Variants in C11orf24 observed in about 807,000 individuals in gnomAD.
C11orf24 encodes the protein uncharacterized protein C11orf24.
Under a neutral mutation model 7.3 loss-of-function variants are expected in C11orf24, and 5 were observed. The ratio of observed to expected loss-of-function variants is 0.69; its 90% confidence interval spans 0.36 to 1.45. The LOEUF (loss-of-function observed/expected upper bound fraction) is 1.45, where lower values mean the gene tolerates loss of function less well. Among genes scored for constraint, C11orf24 ranks in the 40% most tolerant of loss-of-function variants. The probability of loss-of-function intolerance (pLI) is 0.03; values close to 1 mark genes in which losing one functional copy is unlikely to be tolerated. For synonymous variants in C11orf24, 233 were observed against 235.7 expected (o/e 0.99, Z 0.11); for missense variants, 566 against 590.5 (o/e 0.96, Z 0.43).
At chr11:68,271,819 T>TTGG (rs2098568180) in intron 1 of C11orf24, 38 bp downstream of exon 1, 1 of 152,076 alleles carries the variant, frequency 6.6e-6, no homozygotes, top group South Asian at 2.1e-4. Context: ...CAGGGAGCCC[T>TTGG]GACAGCAGCT....
intron 3 of C11orf24, chr11:68,263,259 T>C (rs1312381937): frequency 1.4e-5 from 6 of 418,106 alleles, no homozygotes; most frequent in African/African-American, 1.2e-4. Flanking sequence ...AAAAGCCCAC[T>C]GAACGCACAC....
intron 1 of C11orf24, among the ~76,000 whole-genome samples, chr11:68,270,997 G>A (rs548801523): frequency 6.6e-6 from 1 of 152,272 alleles, no homozygotes; most frequent in South Asian, 2.1e-4. Flanking sequence ...TTGCTTCCAG[G>A]TTTCTGGAAG....
rs2098566174 is a variant in C11orf24, at chr11:68,268,190, A to T, written c.-236T>A. 1 of 152,328 alleles carries T rather than the reference A, an allele frequency of 6.6e-6. No homozygotes were observed. Among genetic ancestry groups the T allele is most frequent in the Admixed American group, 6.5e-5 (1 of 15,290 alleles). 9.4% of individuals were successfully genotyped at this position (152,328 alleles called of 1,614,324 possible). On this transcript the variant is annotated 5_prime_UTR_variant, in exon 2 of 4. It removes an upstream start codon present in the reference 5' UTR. Transcript: ENST00000304271. Reference sequence around the variant, plus strand: ...CCACGTGGTGGGGCACTCCCGGGCCATGCCATCCTTTGTGGCACATGTGAG... The same window carrying T: ...CCACGTGGTGGGGCACTCCCGGGCCTTGCCATCCTTTGTGGCACATGTGAG...
rs1263544547 is a variant in C11orf24, at chr11:68,262,310, T to C, written c.685A>G (p.Thr229Ala). Reference sequence around the variant, plus strand: ...ATGTGCTTGGAAGGACTTGGACGAGTGCTCATGGGGCTGCTTGTGTTTGCT... The same window carrying C: ...ATGTGCTTGGAAGGACTTGGACGAGCGCTCATGGGGCTGCTTGTGTTTGCT... ...TTANTSSPMS[T>A]RPSPSKHMPS... Residue 229 changes from threonine to alanine, a missense_variant, in exon 4 of 4, where the codon ACT (threonine) becomes GCT (alanine). Thr to Ala is a moderately conservative substitution (Grantham distance 58). Transcript: ENST00000304271. 2 of 1,613,628 alleles carry C rather than the reference T, an allele frequency of 1.2e-6. No individual in the cohort carries two copies. The highest frequency in any genetic ancestry group is 1.7e-6 in the Non-Finnish European group (2 of 1,179,656).
At chr11:68,268,702 AAAC>A (rs1444109945) in intron 1 of C11orf24, among the ~76,000 whole-genome samples, 4 of 152,226 alleles carry the variant, frequency 2.6e-5, no homozygotes, top group Non-Finnish European at 5.9e-5. Flanking sequence ...CAAAAAAACA[AAAC>A]AAAAAACAAC....
Position 68,261,401 on chromosome 11 carries a change from C to T in C11orf24, c.*244G>A, listed in dbSNP as rs1488361117. The stretch of plus-strand genomic sequence containing the variant: ...ACACCTGGGGAGACGGGGTCCTGCC[C>T]GCCCCACCCTGAGGTGGAACCCCCA... On this transcript the variant is annotated 3_prime_UTR_variant, in exon 4 of 4. Coordinates refer to ENST00000304271, the MANE Select transcript of C11orf24 (RefSeq NM_022338.4). 1.9e-5 allele frequency: 9 copies of T among 480,930 alleles called. No homozygotes were observed. Among genetic ancestry groups the T allele is most frequent in the African/African-American group, 3.9e-5 (2 of 51,684 alleles). 29.8% of individuals were successfully genotyped at this position (480,930 alleles called of 1,614,324 possible). A position where few individuals can be genotyped will look rare whatever the true frequency, so the allele number is the denominator to read the frequency against.
chr11:68,262,732 T>C lies in C11orf24; in HGVS notation c.263A>G (p.Asp88Gly). 6.2e-7 allele frequency: 1 copy of C among 1,614,176 alleles called. No individual in the cohort carries two copies. Among genetic ancestry groups the C allele is most frequent in the Non-Finnish European group, 8.5e-7 (1 of 1,180,030 alleles). The change falls in exon 4 of 4, where the codon GAT becomes GGT. Residue 88 changes from aspartate to glycine, a missense_variant. Coordinates refer to ENST00000304271, the MANE Select transcript of C11orf24 (RefSeq NM_022338.4). Reference protein sequence around the residue: ...EVTTEDTSRTDVSEPATSGGA... With the variant: ...EVTTEDTSRTGVSEPATSGGA... ...TCCTGAAGTTGCTGGTTCACTCACA[T>C]CTGTCCTGCTTGTGTCCTCTGTTGT...
At chr11:68,264,031 A>C (rs1484233030) in intron 2 of C11orf24, among the ~76,000 whole-genome samples, 165 bp from the exon 3 acceptor site, 1 of 152,152 alleles carries the variant, frequency 6.6e-6, no homozygotes, top group Non-Finnish European at 1.5e-5. Context: ...ATGGTATAGT[A>C]ATGAACTGCC....
rs200719170 is a variant in C11orf24 at position 68,261,643 on chromosome 11, C to A, written c.*2G>T. On this transcript the variant is annotated 3_prime_UTR_variant, in exon 4 of 4. Coordinates refer to ENST00000304271, the MANE Select transcript of C11orf24 (RefSeq NM_022338.4). ...AGGCCTCCCGCCAGGCCCCCGCCCCCCTCACATTTCTGAGTCCGCATACAT... is the reference window on the plus strand; with the variant it reads ...AGGCCTCCCGCCAGGCCCCCGCCCCACTCACATTTCTGAGTCCGCATACAT... The A allele has an allele frequency of 6.3e-7, 1 of 1,597,526 alleles. No individual in the cohort carries two copies. The highest frequency in any genetic ancestry group is 2.3e-5 in the East Asian group (1 of 44,394).
At chr11:68,266,611 G>A (rs923041149) in intron 2 of C11orf24, among the ~76,000 whole-genome samples, 4 of 152,140 alleles carry the variant, frequency 2.6e-5, no homozygotes, top group African/African-American at 7.2e-5. Context: ...ACAGAAAAAA[G>A]TGTGGCGGGG....
chr11:68,264,971 G>A (rs930420229), intron 2 of C11orf24, among the ~76,000 whole-genome samples: 1 of 151,900 alleles, frequency 6.6e-6, no homozygotes, highest in African/African-American at 2.4e-5. Context: ...GAAGCCCCAA[G>A]GGTGGCTGGG....
Position 68,262,643 on chromosome 11 carries a change from A to T in C11orf24, c.352T>A (p.Ser118Thr). The T allele has an allele frequency of 6.2e-7, 1 of 1,613,968 alleles. No homozygotes were observed. Among genetic ancestry groups the T allele is most frequent in the Non-Finnish European group, 8.5e-7 (1 of 1,179,990 alleles). The part of the protein sequence containing the change: ...TAVASSTTAA[S>T]ITTAASSMTV... The stretch of plus-strand genomic sequence containing the variant: ...ATACTGGAGGCCGCAGTCGTAATGG[A>T]GGCCGCAGTCGTACTGGAGGCCACA... Residue 118 changes from serine to threonine, a missense_variant, in exon 4 of 4, where the codon TCC becomes ACC. By Grantham distance (58) the Ser-to-Thr change is moderately conservative. Coordinates refer to ENST00000304271, the MANE Select transcript of C11orf24 (RefSeq NM_022338.4).
intron 3 of C11orf24, 32 bp downstream of exon 3, chr11:68,263,660 C>T (rs1255523017): frequency 6.2e-7 from 1 of 1,601,552 alleles, no homozygotes; most frequent in Non-Finnish European, 8.5e-7. Flanking sequence ...CACCGTGGGC[C>T]CATCCAGCAG....
rs1489243795 is a variant in C11orf24 at position 68,268,043 on chromosome 11, A to T, written c.-100+11T>A. 1 of 152,438 alleles carries T rather than the reference A, an allele frequency of 6.6e-6. No individual in the cohort carries two copies. The highest frequency in any genetic ancestry group is 1.5e-5 in the Non-Finnish European group (1 of 68,210). The allele number at this position is 152,438 out of a possible 1,614,324, so 9.4% of individuals were successfully genotyped here. A position where few individuals can be genotyped will look rare whatever the true frequency, so the allele number is the denominator to read the frequency against. ...ACAAGCAGGCCCAGCCTGCAGGGCCAGGACACTTACCAGAGGCTGCTGCTA... is the reference window on the plus strand; with the variant it reads ...ACAAGCAGGCCCAGCCTGCAGGGCCTGGACACTTACCAGAGGCTGCTGCTA... On this transcript the variant is annotated intron_variant, in intron 2 of 3. Transcript: ENST00000304271.
At chr11:68,263,475 C>A in intron 3 of C11orf24, 1 of 551,868 alleles carries the variant, frequency 1.8e-6, no homozygotes, top group Non-Finnish European at 3.2e-6. Context: ...AGCGAGCAAA[C>A]CTTTCAGGGC....
Position 68,262,185 on chromosome 11 carries a change from T to C in C11orf24, c.810A>G (p.Thr270=). 1.9e-6 allele frequency: 3 copies of C among 1,613,740 alleles called. No homozygotes were observed. In the South Asian group the frequency reaches 3.3e-5, roughly 18 times the overall value. The change falls in exon 4 of 4, where the codon ACA becomes ACG. Residue 270 remains threonine, a synonymous_variant. Coordinates refer to ENST00000304271, the MANE Select transcript of C11orf24 (RefSeq NM_022338.4). Reference sequence around the variant, plus strand: ...TTGAGGGCATGGGTGTGGATTTATTTGTTGTGTTAACCACAGGCTGGTCCA... The same window carrying C: ...TTGAGGGCATGGGTGTGGATTTATTCGTTGTGTTAACCACAGGCTGGTCCA... ...VSVDQPVVNT[T]NKSTPMPSNT...
rs199724794 is a variant in C11orf24, at chr11:68,261,817, G to T, written c.1178C>A (p.Thr393Asn). 2.0e-4 allele frequency: 319 copies of T among 1,614,090 alleles called. 1 individual carries two copies. The highest frequency in any genetic ancestry group is 3.6e-5 in the Non-Finnish European group (42 of 1,180,056). The change falls in exon 4 of 4, where the codon ACC (threonine) becomes AAC (asparagine). Residue 393 changes from threonine (T) to asparagine (N), a missense_variant. Coordinates refer to ENST00000304271, the MANE Select transcript of C11orf24 (RefSeq NM_022338.4). Reference protein sequence around the residue: ...QYMVVTTEPLTQAVVDKTLLL... With the variant: ...QYMVVTTEPLNQAVVDKTLLL... ...GAGAGTTTTGTCTACCACGGCCTGG[G>T]TGAGGGGCTCAGTGGTGACCACCAT...
Position 68,262,524 on chromosome 11 carries a change from G to A in C11orf24, c.471C>T (p.Ala157=). The A allele has an allele frequency of 6.2e-7, 1 of 1,612,494 alleles. No individual in the cohort carries two copies. Among genetic ancestry groups the A allele is most frequent in the South Asian group, 1.1e-5 (1 of 90,980 alleles). ...PTTAASSMTA[A]SSTPMTLALP... is the part of the protein sequence containing the mutation. ...GTGCAAGTGTCATGGGAGTGCTGGA[G>A]GCCGCAGTCATACTGGAGGCTGCAG... The change falls in exon 4 of 4, where the codon GCC becomes GCT. Residue 157 remains alanine, a synonymous_variant. Coordinates refer to ENST00000304271, the MANE Select transcript of C11orf24 (RefSeq NM_022338.4).
intron 3 of C11orf24, 76 bp downstream of exon 3, chr11:68,263,615 GA>G: frequency 2.1e-6 from 3 of 1,399,330 alleles, no homozygotes; most frequent in Non-Finnish European, 3.0e-6. Flanking sequence ...TGGGTTTGCA[GA>G]TGCTGCTTTC....
Sources: allele counts gnomAD v4.1 joint callset (sites outside exome capture counted in the v4.1 genomes callset), GRCh38; gene constraint gnomAD v4.1.1; transcripts MANE v1.5; gene names NCBI Gene and HGNC (gene_info 2026-07-23, HGNC 2026-07-21).